The following AQP5 variants were observed in gnomAD, a reference collection of about 807,000 sequenced individuals.
The protein encoded by AQP5 is aquaporin-5.
AQP5 carries 15 observed loss-of-function variants against 19.1 expected under a neutral mutation model. That is an observed-to-expected ratio of 0.79 (90% CI 0.53 to 1.21). AQP5 has a LOEUF of 1.21. Among genes scored for constraint, AQP5 ranks in the 50% most tolerant of loss-of-function variants. The pLI is 0.00. For synonymous variants in AQP5, 182 were observed against 160.3 expected, an observed-to-expected ratio of 1.14 and a Z score of -1.02; for missense variants, 355 against 357.1, an observed-to-expected ratio of 0.99 and a Z score of 0.05.
chr12:49,963,806 C>G (rs1225850954), intron 2 of AQP5, 150 bp downstream of exon 2: 1 of 1,164,066 alleles, frequency 8.6e-7, no homozygotes. Context: ...CCCTACTGGG[C>G]CCCAGAATTG....
intron 1 of AQP5, 115 bp downstream of exon 1, chr12:49,962,495 A>ACCAGGAAGGCAAGTGCCTCCCAAGG (rs1947439074): frequency 9.9e-7 from 1 of 1,014,538 alleles, no homozygotes. Flanking sequence ...CACACCCTTC[A>ACCAGGAAGGCAAGTGCCTCCCAAGG]CCAGGAAGGC....
rs1460233573 is a variant in AQP5, at chr12:49,964,296, G to A, written c.612+121G>A. 4 of 1,032,994 alleles carry A rather than the reference G, an allele frequency of 3.9e-6. No individual in the cohort carries two copies. In the African/African-American group the frequency reaches 6.3e-5, roughly 16 times the overall value. 64.0% of individuals were successfully genotyped at this position (1,032,994 alleles called of 1,614,324 possible). ...AGAGCTTGGGGGTGGGCCACGGAGTGGTGGCTGACAGAGAAAGGGACACAG... is the reference window on the plus strand; with the variant it reads ...AGAGCTTGGGGGTGGGCCACGGAGTAGTGGCTGACAGAGAAAGGGACACAG... On this transcript the variant is annotated intron_variant, in intron 3 of 3. Transcript: ENST00000293599.
intron 1 of AQP5, 68 bp from the exon 2 acceptor site, chr12:49,963,424 C>G: frequency 6.3e-7 from 1 of 1,578,386 alleles, no homozygotes; most frequent in Admixed American, 1.7e-5. Flanking sequence ...GCCAAAAGCC[C>G]TACTCCCCGA....
At chr12:49,964,593 C>T in intron 3 of AQP5, 6 of 961,796 alleles carry the variant, frequency 6.2e-6, no homozygotes, top group Non-Finnish European at 7.4e-6. Flanking sequence ...TCTGTCTGCC[C>T]CCCCTTTGGA....
In AQP5 at chr12:49,964,144, T is replaced by C. The variant is rs768038810; in HGVS notation, c.581T>C (p.Val194Ala). ...CCAGCCCGCTCTTTTGGCCCTGCGG[T>C]GGTCATGAATCGGTTCAGCCCCGCT... ...MNPARSFGPAVVMNRFSPAHW... is the reference protein window; with the variant it reads ...MNPARSFGPAAVMNRFSPAHW... The change falls in exon 3 of 4, where the codon GTG (valine) becomes GCG (alanine). Residue 194 changes from valine to alanine, a missense_variant. Transcript: ENST00000293599. 22 of 1,613,996 alleles carry C rather than the reference T, an allele frequency of 1.4e-5. No individual in the cohort carries two copies. The Admixed American group carries it at 3.7e-4, about 27-fold the overall frequency.
chr12:49,964,747 T>A, intron 3 of AQP5: 2 of 985,378 alleles, frequency 2.0e-6, no homozygotes, highest in Non-Finnish European at 2.4e-6. Flanking sequence ...AGGGAGCCTG[T>A]CCCTCTGGGA....
chr12:49,964,374 C>T (rs564216943), intron 3 of AQP5, among the ~76,000 whole-genome samples, 199 bp downstream of exon 3: 6 of 152,216 alleles, frequency 3.9e-5, no homozygotes, highest in East Asian at 1.9e-4. Context: ...TGGCCTGAAC[C>T]GCTGGGGACA....
At position 49,964,912 on chromosome 12, in the gene AQP5, T is replaced by C; in HGVS notation, c.613-80T>C. ...TCTGTCTCCTCTCAGGGTCCGTGGG[T>C]CTGTCCTCTGTGGGGTGGGGGGCAT... On this transcript the variant is annotated intron_variant, in intron 3 of 3. Coordinates refer to ENST00000293599, the MANE Select transcript of AQP5 (RefSeq NM_001651.4). 8 of 1,537,232 alleles carry C rather than the reference T, an allele frequency of 5.2e-6. No homozygotes were observed. The South Asian group carries it at 9.0e-5, about 17-fold the overall frequency.
rs765690922 is a variant in AQP5 at position 49,962,395 on chromosome 12, G to GT, written c.363+15_363+16insT. On this transcript the variant is annotated intron_variant, in intron 1 of 3. Coordinates refer to ENST00000293599, the MANE Select transcript of AQP5 (RefSeq NM_001651.4). The stretch of plus-strand genomic sequence containing the variant: ...CCGTCAACGCGGTGAGTGCCCTGGG[G>GT]GGGGGGTGGGAGCCTCGACCCTGGG... The GT allele has an allele frequency of 1.7e-5, 24 of 1,388,232 alleles. No individual in the cohort carries two copies. The East Asian group carries it at 4.3e-4, about 25-fold the overall frequency. 86.0% of individuals were successfully genotyped at this position (1,388,232 alleles called of 1,614,324 possible). A position where few individuals can be genotyped will look rare whatever the true frequency, so the allele number is the denominator to read the frequency against.
chr12:49,964,999 G>A lies in AQP5; in HGVS notation c.620G>A (p.Trp207Ter). 2 of 1,612,850 alleles carry A rather than the reference G, an allele frequency of 1.2e-6. No homozygotes were observed. Among genetic ancestry groups the A allele is most frequent in the Non-Finnish European group, 1.7e-6 (2 of 1,179,376 alleles). Residue 207 changes from tryptophan (W) to a stop codon, truncating the protein, a stop_gained, in exon 4 of 4, where the codon TGG (tryptophan) becomes TAG (stop). Coordinates refer to ENST00000293599, the MANE Select transcript of AQP5 (RefSeq NM_001651.4). LOFTEE classifies it high-confidence loss of function. Reference protein sequence around the residue: ...NRFSPAHWVFWVGPIVGAVLA... With the variant: ...NRFSPAHWVF ...CTGCCCTGTCTCCACCAGGTTTTCT[G>A]GGTAGGGCCCATCGTGGGGGCGGTC...
At position 49,965,378 on chromosome 12, in the gene AQP5, C is replaced by G; in HGVS notation, c.*201C>G. 1.7e-6 allele frequency: 1 copy of G among 604,294 alleles called. No homozygotes were observed. The highest frequency in any genetic ancestry group is 4.6e-4 in the Middle Eastern group (1 of 2,188). The allele number at this position is 604,294 out of a possible 1,614,324, so 37.4% of individuals were successfully genotyped here. On this transcript the variant is annotated 3_prime_UTR_variant, in exon 4 of 4. Coordinates refer to ENST00000293599, the MANE Select transcript of AQP5 (RefSeq NM_001651.4). The stretch of plus-strand genomic sequence containing the variant: ...GGTAGGGGCCAGGGGCTGGGGTCTG[C>G]TGGGGACAGGTCTCTCTGGGACAGA...
chr12:49,965,325 G>T lies in AQP5; in HGVS notation c.*148G>T, dbSNP rs922620333. On this transcript the variant is annotated 3_prime_UTR_variant, in exon 4 of 4. Coordinates refer to ENST00000293599, the MANE Select transcript of AQP5 (RefSeq NM_001651.4). The stretch of plus-strand genomic sequence containing the variant: ...ACCCTGGCTGCACAGTTAGAGAGGG[G>T]AGAAGGAACCCATGATGGGACTCCT... The T allele has an allele frequency of 9.9e-7, 1 of 1,005,348 alleles. No individual in the cohort carries two copies. Among genetic ancestry groups the T allele is most frequent in the African/African-American group, 1.6e-5 (1 of 61,282 alleles). The allele number at this position is 1,005,348 out of a possible 1,614,324, so 62.3% of individuals were successfully genotyped here.
In AQP5 at chr12:49,963,484, C is replaced by T. The variant is rs1165155130; in HGVS notation, c.364-8C>T. 5.6e-6 allele frequency: 9 copies of T among 1,613,448 alleles called. No homozygotes were observed. The highest frequency in any genetic ancestry group is 1.7e-5 in the Admixed American group (1 of 60,014). ...TGGCCGGGGTCCTAACCCGCTATCC[C>T]CTTGCAGCTCAACAACAACACAACG... On this transcript the variant is annotated splice_polypyrimidine_tract_variant and splice_region_variant and intron_variant, in intron 1 of 3. Transcript: ENST00000293599.
At position 49,963,651 on chromosome 12, in the gene AQP5, G is replaced by A; in HGVS notation, c.523G>A (p.Val175Ile). The A allele has an allele frequency of 1.2e-6, 2 of 1,613,270 alleles. No homozygotes were observed. Among genetic ancestry groups the A allele is most frequent in the Non-Finnish European group, 1.7e-6 (2 of 1,179,892 alleles). ...CCTGTCTGTCACCCTGGGCCACCTT[G>A]TCGGAGTGAGCAGTACCGACATTGG... Reference protein sequence around the residue: ...IGLSVTLGHLVGIYFTGCSMN... With the variant: ...IGLSVTLGHLIGIYFTGCSMN... Residue 175 changes from valine to isoleucine, a missense_variant, in exon 2 of 4, where the codon GTC (valine) becomes ATC (isoleucine). Val to Ile is a conservative substitution (Grantham distance 29). Transcript: ENST00000293599.
At chr12:49,963,988 A>G (rs1947458439) in intron 2 of AQP5, 104 bp from the exon 3 acceptor site, 1 of 1,201,568 alleles carries the variant, frequency 8.3e-7, no homozygotes. Context: ...TGAGTTTGAG[A>G]CCTGGCTGAG....
rs1200372092 is a variant in AQP5 at position 49,962,368 on chromosome 12, G to A, written c.351G>A (p.Leu117=). The A allele has an allele frequency of 2.5e-6, 4 of 1,583,658 alleles. No homozygotes were observed. Among genetic ancestry groups the A allele is most frequent in the Non-Finnish European group, 3.4e-6 (4 of 1,171,946 alleles). ...CACCGCTCAATGCCCGGGGCAATCTGGCCGTCAACGCGGTGAGTGCCCTGG... is the reference window on the plus strand; with the variant it reads ...CACCGCTCAATGCCCGGGGCAATCTAGCCGTCAACGCGGTGAGTGCCCTGG... ...GVAPLNARGN[L]AVNALNNNTT... The change falls in exon 1 of 4, where the codon CTG becomes CTA. Residue 117 remains leucine (L), a synonymous_variant. Transcript: ENST00000293599.
At position 49,962,399 on chromosome 12, in the gene AQP5, G is replaced by T. The variant is rs766230519; in HGVS notation, c.363+19G>T. ...CAACGCGGTGAGTGCCCTGGGGGGG[G>T]GGTGGGAGCCTCGACCCTGGGGTGG... On this transcript the variant is annotated intron_variant, in intron 1 of 3. Transcript: ENST00000293599. The T allele has an allele frequency of 4.6e-5, 61 of 1,331,648 alleles. No homozygotes were observed. The highest frequency in any genetic ancestry group is 5.4e-5 in the Non-Finnish European group (53 of 977,216). 82.5% of individuals were successfully genotyped at this position (1,331,648 alleles called of 1,614,324 possible).
In AQP5 at chr12:49,965,102, C is replaced by A. The variant is rs1220301490; in HGVS notation, c.723C>A (p.Gly241=). The part of the protein sequence containing the change: ...SLSERVAIIK[G]TYEPDEDWEE... The stretch of plus-strand genomic sequence containing the variant: ...GTGAGCGTGTGGCCATCATCAAAGG[C>A]ACGTATGAGCCTGACGAGGACTGGG... The change falls in exon 4 of 4, where the codon GGC becomes GGA. Residue 241 remains glycine (G), a synonymous_variant. Coordinates refer to ENST00000293599, the MANE Select transcript of AQP5 (RefSeq NM_001651.4). 6.2e-7 allele frequency: 1 copy of A among 1,614,092 alleles called. No individual in the cohort carries two copies. Among genetic ancestry groups the A allele is most frequent in the Non-Finnish European group, 8.5e-7 (1 of 1,180,008 alleles).
rs1446527717 is a variant in AQP5, at chr12:49,961,903, G to C, written c.-115G>C. 5.6e-6 allele frequency: 3 copies of C among 533,430 alleles called. No homozygotes were observed. Among genetic ancestry groups the C allele is most frequent in the Non-Finnish European group, 7.6e-6 (3 of 397,338 alleles). 33.0% of individuals were successfully genotyped at this position (533,430 alleles called of 1,614,324 possible). ...CCAGCCTCGGAGTGGGCGCGGGACAGTGCGCGGCGCCCCGCAGCCAGGCCC... is the reference window on the plus strand; with the variant it reads ...CCAGCCTCGGAGTGGGCGCGGGACACTGCGCGGCGCCCCGCAGCCAGGCCC... On this transcript the variant is annotated 5_prime_UTR_variant, in exon 1 of 4. Transcript: ENST00000293599.
Sources: allele counts gnomAD v4.1 joint callset (sites outside exome capture counted in the v4.1 genomes callset), GRCh38; gene constraint gnomAD v4.1.1; transcripts MANE v1.5; gene names NCBI Gene and HGNC (gene_info 2026-07-23, HGNC 2026-07-21).